CERS3: variants seen among roughly 807,000 people sequenced by gnomAD.
CERS3 encodes LAG1 homolog, ceramide synthase 3.
CERS3 carries 33 observed loss-of-function variants against 50.3 expected under a neutral mutation model. That is an observed-to-expected ratio of 0.66 (90% CI 0.50 to 0.88). The LOEUF is 0.88. Among genes scored for constraint, CERS3 ranks in the 40% least tolerant of loss-of-function variants. The probability of loss-of-function intolerance (pLI) is 0.00; values close to 1 mark genes in which losing one functional copy is unlikely to be tolerated. For synonymous variants in CERS3, 176 were observed against 155.2 expected, an observed-to-expected ratio of 1.13 and a Z score of -0.99; for missense variants, 470 against 460.3, an observed-to-expected ratio of 1.02 and a Z score of -0.19.
intron 8 of CERS3, among the ~76,000 whole-genome samples, chr15:100,474,194 C>A (rs188653560): frequency 3.9e-4 from 59 of 152,164 alleles, no homozygotes; most frequent in African/African-American, 1.4e-3. Flanking sequence ...CACAAATGTT[C>A]TAAAATTGAC....
intron 11 of CERS3, among the ~76,000 whole-genome samples, chr15:100,410,051 C>T (rs938841842): frequency 6.6e-6 from 1 of 152,176 alleles, no homozygotes; most frequent in Non-Finnish European, 1.5e-5. Context: ...GATAACCTAG[C>T]AAAGGTACCT....
intron 10 of CERS3, among the ~76,000 whole-genome samples, chr15:100,468,295 A>G (rs77538467): frequency 0.013 from 2,003 of 152,282 alleles, 49 homozygotes; most frequent in African/African-American, 0.044. Flanking sequence ...TGAGGCACAG[A>G]GAGGTGGTAT....
chr15:100,408,847 T>G (rs2031258467), intron 11 of CERS3: 1 of 152,214 alleles, frequency 6.6e-6, no homozygotes, highest in Non-Finnish European at 1.5e-5. Context: ...AACAGTTACA[T>G]CAACAACATT....
At chr15:100,437,018 A>T (rs2033444688) in intron 11 of CERS3, among the ~76,000 whole-genome samples, 1 of 146,502 alleles carries the variant, frequency 6.8e-6, no homozygotes, top group Admixed American at 7.1e-5. Context: ...ATCTCCACTC[A>T]CTGCAAGCTC....
chr15:100,427,651 C>T (rs964923953), intron 11 of CERS3, among the ~76,000 whole-genome samples: 1 of 152,178 alleles, frequency 6.6e-6, no homozygotes, highest in African/African-American at 2.4e-5. Context: ...ATCAATCTCT[C>T]GGGTACGATG....
rs1002127093 is a variant in CERS3 at position 100,464,932 on chromosome 15, A to T, written c.845+4446T>A. Among the ~76,000 whole-genome samples the T allele has an allele frequency of 1.2e-4, 18 of 152,300 alleles. No individual in the cohort carries two copies. The South Asian group carries it at 1.2e-3, about 11-fold the overall frequency. ...GAATGGGATAAGATCCTCAGAAGTA[A>T]AAGAGTGCAGTGGCTGGACATGAAA... On this transcript the variant is annotated intron_variant, in intron 10 of 11. Coordinates refer to ENST00000679737, the MANE Select transcript of CERS3 (RefSeq NM_001378789.1).
In CERS3 at chr15:100,402,728, G is replaced by A. The variant is rs1186438025; in HGVS notation, c.1137C>T (p.Gly379=). 1.9e-6 allele frequency: 3 copies of A among 1,614,018 alleles called. No homozygotes were observed. The highest frequency in any genetic ancestry group is 2.5e-6 in the Non-Finnish European group (3 of 1,180,040). Residue 379 remains glycine, a synonymous_variant, in exon 12 of 12, where the codon GGC becomes GGT. Transcript: ENST00000679737. Reference sequence around the variant, plus strand: ...AGGCTTCCAGCTAATGGCCATGCTGGCCATTGGGAATGAGGTGCCTCTCAG... The same window carrying A: ...AGGCTTCCAGCTAATGGCCATGCTGACCATTGGGAATGAGGTGCCTCTCAG... ...LRAERHLIPN[G]QHGH
chr15:100,402,453 G>A lies in CERS3; in HGVS notation c.*260C>T, dbSNP rs186668300. Reference sequence around the variant, plus strand: ...TGACATGCATGAGGGAGTGCAATTAGAACTGAGACGGTTCTGTGGAGAAAT... The same window carrying A: ...TGACATGCATGAGGGAGTGCAATTAAAACTGAGACGGTTCTGTGGAGAAAT... On this transcript the variant is annotated 3_prime_UTR_variant, in exon 12 of 12. Transcript: ENST00000679737. The A allele has an allele frequency of 6.3e-4, 291 of 462,956 alleles. No homozygotes were observed. The highest frequency in any genetic ancestry group is 3.6e-3 in the Middle Eastern group (6 of 1,688). 28.7% of individuals were successfully genotyped at this position (462,956 alleles called of 1,614,324 possible).
chr15:100,407,120 G>C (rs182970898), intron 11 of CERS3, among the ~76,000 whole-genome samples: 320 of 152,280 alleles, frequency 2.1e-3, no homozygotes, highest in African/African-American at 6.8e-3. Context: ...TGAGTTTTGG[G>C]TGGGGACACA....
chr15:100,469,289 A>G, intron 10 of CERS3, 89 bp downstream of exon 10: 3 of 871,224 alleles, frequency 3.4e-6, no homozygotes, highest in South Asian at 1.6e-5. Context: ...AGACCCACGT[A>G]TGGAAAGGGC....
chr15:100,447,429 A>G (rs1003543230), intron 11 of CERS3, among the ~76,000 whole-genome samples: 3 of 152,170 alleles, frequency 2.0e-5, no homozygotes, highest in African/African-American at 7.2e-5. Context: ...CTGATGACTT[A>G]TATCTCCCTA....
chr15:100,499,393 A>G (rs1197578742), intron 3 of CERS3, among the ~76,000 whole-genome samples: 2 of 152,368 alleles, frequency 1.3e-5, no homozygotes, highest in East Asian at 1.9e-4. Flanking sequence ...AAAACAAAAC[A>G]TAAGACACAA....
Position 100,514,836 on chromosome 15 carries a change from A to G in CERS3, c.-2+6831T>C, listed in dbSNP as rs1265801024. 3.3e-5 allele frequency among the ~76,000 whole-genome samples: 5 copies of G among 152,248 alleles called. No individual in the cohort carries two copies. In the South Asian group the frequency reaches 6.2e-4, roughly 19 times the overall value. Reference sequence around the variant, plus strand: ...AAAAAATAATTGATATACTAACATGATAAGTTCTGGGTGGCTTAAACTTTT... The same window carrying G: ...AAAAAATAATTGATATACTAACATGGTAAGTTCTGGGTGGCTTAAACTTTT... On this transcript the variant is annotated intron_variant, in intron 2 of 11. Transcript: ENST00000679737.
intron 11 of CERS3, among the ~76,000 whole-genome samples, chr15:100,434,282 G>A (rs1249386518): frequency 6.6e-6 from 1 of 152,192 alleles, no homozygotes. Context: ...TGCGTGCCCA[G>A]GACTGCTTTG....
chr15:100,479,534 A>G (rs558115883), intron 6 of CERS3, 56 bp from the exon 7 acceptor site: 1 of 1,414,612 alleles, frequency 7.1e-7, no homozygotes, highest in African/African-American at 1.4e-5. Flanking sequence ...GGTCGGTGTC[A>G]AAGGTCAATT....
chr15:100,434,981 T>A (rs2033330061), intron 11 of CERS3, among the ~76,000 whole-genome samples: 1 of 152,182 alleles, frequency 6.6e-6, no homozygotes, highest in Non-Finnish European at 1.5e-5. Context: ...CCTTTCCAAC[T>A]TCAGCAAGAC....
chr15:100,489,145 G>A (rs1205972355), intron 4 of CERS3, among the ~76,000 whole-genome samples: 1 of 152,066 alleles, frequency 6.6e-6, no homozygotes, highest in Non-Finnish European at 1.5e-5. Flanking sequence ...TGTAATGTCA[G>A]TTGAGTTAGA....
At chr15:100,528,129 G>C (rs967532485) in intron 1 of CERS3, among the ~76,000 whole-genome samples, 2 of 152,328 alleles carry the variant, frequency 1.3e-5, no homozygotes, top group Non-Finnish European at 2.9e-5. Context: ...ATGCTTAACA[G>C]AACATTCTTG....
In CERS3 at chr15:100,448,454, A is replaced by G. The variant is rs112980145; in HGVS notation, c.999+7439T>C. ...CACATTCCCATCATGGACTCCTGCA[A>G]TCCTAGCCACAGGAGAGGCTCTCAA... On this transcript the variant is annotated intron_variant, in intron 11 of 11. Transcript: ENST00000679737. Among the ~76,000 whole-genome samples the G allele has an allele frequency of 6.5e-3, 997 of 152,294 alleles. 11 individuals carry two copies. Among genetic ancestry groups the G allele is most frequent in the African/African-American group, 0.023 (944 of 41,558 alleles).
Sources: gnomAD v4.1 joint callset for allele counts (sites outside exome capture counted in the v4.1 genomes callset) on GRCh38, gnomAD v4.1.1 for gene constraint, MANE v1.5 for transcripts, NCBI Gene and HGNC (gene_info 2026-07-23, HGNC 2026-07-21) for gene names.